ABCA3: variants seen among roughly 807,000 people sequenced by gnomAD.
The protein encoded by ABCA3 is phospholipid-transporting ATPase ABCA3.
In ABCA3, 88 loss-of-function variants were observed where a neutral mutation model predicts 172.8. That is an observed-to-expected ratio of 0.51 (90% CI 0.43 to 0.61). The LOEUF (loss-of-function observed/expected upper bound fraction) is 0.61. Among genes scored for constraint, ABCA3 ranks in the 20% least tolerant of loss-of-function variants. ABCA3 has a pLI of 0.00. For synonymous variants in ABCA3, 1,066 were observed against 983.8 expected (o/e 1.08, Z -1.56); for missense variants, 2,164 against 2,301.0 (o/e 0.94, Z 1.22).
chr16:2,286,899 C>A lies in ABCA3; in HGVS notation c.3073G>T (p.Val1025Leu). ...CCCACATCTCTGAAGGACGCTGCCA[C>A]AAGGCACCGCTCATTAAAGCCGCCC... ...EGGGFNERCLVAASFRDVGER... is the reference protein window; with the variant it reads ...EGGGFNERCLLAASFRDVGER... Residue 1025 changes from valine (V) to leucine (L), a missense_variant, in exon 22 of 33, where the codon GTG becomes TTG. By Grantham distance (32) the Val-to-Leu change is conservative. Coordinates refer to ENST00000301732, the MANE Select transcript of ABCA3 (RefSeq NM_001089.3). This position sits in a 1 kb window ranked among gnomAD's most constrained non-coding sequence, Gnocchi z 5.2. The A allele has an allele frequency of 6.2e-6, 10 of 1,614,078 alleles. No homozygotes were observed. Among genetic ancestry groups the A allele is most frequent in the Non-Finnish European group, 8.5e-6 (10 of 1,180,042 alleles).
intron 8 of ABCA3, among the ~76,000 whole-genome samples, 192 bp from the exon 9 acceptor site, chr16:2,317,956 A>G (rs974694666): frequency 4.6e-5 from 7 of 152,216 alleles, no homozygotes; most frequent in Admixed American, 4.6e-4. Flanking sequence ...TCAGCCTCCC[A>G]AAGTGCTGGA....
Position 2,323,830 on chromosome 16 carries a change from C to T in ABCA3, c.448-142G>A, listed in dbSNP as rs1268936697. ...CGCCTCTGAGTATCTCCAACAGGCC[C>T]CGGAATGTCACACTGAGTGGTCCCT... On this transcript the variant is annotated intron_variant, in intron 6 of 32. Transcript: ENST00000301732. 3.0e-6 allele frequency: 3 copies of T among 1,005,480 alleles called. No individual in the cohort carries two copies. The East Asian group carries it at 7.1e-5, about 24-fold the overall frequency. The allele number at this position is 1,005,480 out of a possible 1,614,324, so 62.3% of individuals were successfully genotyped here.
rs1024209857 is a variant in ABCA3, at chr16:2,285,341, G to A, written c.3483+101C>T. ...CCTCCCTGAGTCGGGCCGAGCTGCC[G>A]GCCTAGGGGCTGCCCAGCTGGTTCC... On this transcript the variant is annotated intron_variant, in intron 23 of 32. Coordinates refer to ENST00000301732, the MANE Select transcript of ABCA3 (RefSeq NM_001089.3). This position sits in a 1 kb window ranked among gnomAD's most constrained non-coding sequence, Gnocchi z 4.7. 218 of 1,420,040 alleles carry A rather than the reference G, an allele frequency of 1.5e-4. No individual in the cohort carries two copies. Among genetic ancestry groups the A allele is most frequent in the Admixed American group, 1.4e-4 (7 of 50,828 alleles). 88.0% of individuals were successfully genotyped at this position (1,420,040 alleles called of 1,614,324 possible).
Position 2,286,906 on chromosome 16 carries a change from C to T in ABCA3, c.3066G>A (p.Arg1022=). The T allele has an allele frequency of 4.3e-6, 7 of 1,614,076 alleles. No individual in the cohort carries two copies. The highest frequency in any genetic ancestry group is 5.1e-6 in the Non-Finnish European group (6 of 1,180,030). The change falls in exon 22 of 33, where the codon CGG becomes CGA. Residue 1022 remains arginine, a synonymous_variant. Coordinates refer to ENST00000301732, the MANE Select transcript of ABCA3 (RefSeq NM_001089.3). This position sits in a 1 kb window ranked among gnomAD's most constrained non-coding sequence, Gnocchi z 5.2. The part of the protein sequence containing the change: ...ASVEGGGFNE[R]CLVAASFRDV... ...CTCTGAAGGACGCTGCCACAAGGCA[C>T]CGCTCATTAAAGCCGCCCCCCTCCA... is the stretch of plus-strand genomic sequence containing the variant.
At chr16:2,315,278 T>C (rs1003308257) in intron 10 of ABCA3, among the ~76,000 whole-genome samples, 122 of 151,480 alleles carry the variant, frequency 8.1e-4, no homozygotes, top group African/African-American at 2.8e-3. Context: ...CGAAATCTCA[T>C]TGAAATTCGA....
intron 18 of ABCA3, 40 bp downstream of exon 18, chr16:2,295,550 T>C (rs774136016): frequency 8.7e-6 from 14 of 1,606,110 alleles, no homozygotes; most frequent in Non-Finnish European, 1.2e-5. Flanking sequence ...GGATCCCATC[T>C]TGGATGTATA....
chr16:2,300,461 C>G, intron 12 of ABCA3, among the ~76,000 whole-genome samples: 1 of 152,118 alleles, frequency 6.6e-6, no homozygotes, highest in East Asian at 1.9e-4. Flanking sequence ...CAGAAGTTAT[C>G]TAACGCTCCA....
At chr16:2,305,108 C>T (rs535117847) in intron 11 of ABCA3, among the ~76,000 whole-genome samples, 1 of 151,934 alleles carries the variant, frequency 6.6e-6, no homozygotes, top group South Asian at 2.1e-4. Flanking sequence ...CCACTGCACC[C>T]GGCCAGTATA....
At chr16:2,302,282 C>G (rs760196817) in intron 12 of ABCA3, among the ~76,000 whole-genome samples, 11 of 152,022 alleles carry the variant, frequency 7.2e-5, no homozygotes, top group Non-Finnish European at 1.5e-4. Context: ...AAGGTCTCCC[C>G]GACCGAGCTG....
Position 2,276,273 on chromosome 16 carries a change from C to T in ABCA3, c.*401G>A, listed in dbSNP as rs1405873316. On this transcript the variant is annotated 3_prime_UTR_variant, in exon 33 of 33. Transcript: ENST00000301732. Reference sequence around the variant, plus strand: ...TTCAACCTGGCTGGCTTCCCGCTTCCTCCCCAGGGGAGATTAGTGTCGTGT... The same window carrying T: ...TTCAACCTGGCTGGCTTCCCGCTTCTTCCCCAGGGGAGATTAGTGTCGTGT... The T allele has an allele frequency of 1.3e-5, 6 of 458,968 alleles. No individual in the cohort carries two copies. Among genetic ancestry groups the T allele is most frequent in the Non-Finnish European group, 2.2e-5 (5 of 228,924 alleles). The allele number at this position is 458,968 out of a possible 1,614,324, so 28.4% of individuals were successfully genotyped here.
At chr16:2,322,719 A>C (rs1450363909) in intron 7 of ABCA3, among the ~76,000 whole-genome samples, 4 of 152,110 alleles carry the variant, frequency 2.6e-5, no homozygotes, top group Non-Finnish European at 5.9e-5. Flanking sequence ...AAACCTAGGC[A>C]TTACCATTCA....
chr16:2,316,140 GAAA>G (rs534232946), intron 10 of ABCA3, among the ~76,000 whole-genome samples: 10,666 of 57,504 alleles, frequency 0.19, 753 homozygotes, highest in East Asian at 0.45. Context: ...AACATGGTGA[GAAA>G]AAAAAAAAAA....
chr16:2,298,271 C>A (rs995091196), intron 15 of ABCA3, 115 bp downstream of exon 15: 7 of 1,517,966 alleles, frequency 4.6e-6, no homozygotes, highest in Non-Finnish European at 6.3e-6. Flanking sequence ...GGACTCAGAA[C>A]CCTGGCTCCT....
At position 2,288,189 on chromosome 16, in the gene ABCA3, G is replaced by C; in HGVS notation, c.2841C>G (p.Ser947=). The change falls in exon 21 of 33, where the codon TCC becomes TCG. Residue 947 remains serine, a synonymous_variant. Transcript: ENST00000301732. The part of the protein sequence containing the change: ...VTLALLAINY[S]SELFDDPMLR... The stretch of plus-strand genomic sequence containing the variant: ...GCATGGGGTCGTCGAAGAGCTCCGA[G>C]GAGTAGTTGATGGCCAGGAGGGCCA... The C allele has an allele frequency of 1.2e-6, 2 of 1,604,730 alleles. No homozygotes were observed. Among genetic ancestry groups the C allele is most frequent in the Non-Finnish European group, 1.7e-6 (2 of 1,175,518 alleles).
chr16:2,286,777 C>G lies in ABCA3; in HGVS notation c.3195G>C (p.Leu1065=), dbSNP rs140502726. The G allele has an allele frequency of 6.2e-7, 1 of 1,614,128 alleles. No homozygotes were observed. The highest frequency in any genetic ancestry group is 1.7e-5 in the Admixed American group (1 of 60,006). The part of the protein sequence containing the change: ...AVVDNLLFKL[L]CGPHASIVVS... ...CCACAATGGAGGCGTGAGGCCCGCACAGCAGCTTGAACAGAAGGTTGTCCA... is the reference window on the plus strand; with the variant it reads ...CCACAATGGAGGCGTGAGGCCCGCAGAGCAGCTTGAACAGAAGGTTGTCCA... The change falls in exon 22 of 33, where the codon CTG becomes CTC. Residue 1065 remains leucine (L), a synonymous_variant. Transcript: ENST00000301732. The surrounding 1 kb of genome is among the most constrained non-coding windows in gnomAD (Gnocchi z 5.2).
chr16:2,326,357 C>T, intron 4 of ABCA3, 56 bp downstream of exon 4: 1 of 1,612,076 alleles, frequency 6.2e-7, no homozygotes, highest in South Asian at 1.1e-5. Context: ...CAAGGGCATC[C>T]CCAGGAGCCT....
At chr16:2,294,408 G>A (rs995369530) in intron 18 of ABCA3, among the ~76,000 whole-genome samples, 1 of 152,102 alleles carries the variant, frequency 6.6e-6, no homozygotes, top group African/African-American at 2.4e-5. Flanking sequence ...AATCTAGGCC[G>A]GGTGCAGTGG....
In ABCA3 at chr16:2,284,691, C is replaced by T. The variant is rs1384808494; in HGVS notation, c.3703+88G>A. 1.9e-5 allele frequency: 27 copies of T among 1,432,598 alleles called. No individual in the cohort carries two copies. Among genetic ancestry groups the T allele is most frequent in the East Asian group, 2.5e-5 (1 of 40,718 alleles). The allele number at this position is 1,432,598 out of a possible 1,614,324, so 88.7% of individuals were successfully genotyped here. ...TGAACTGGGCCCATTGCCTGAGTCCCGCCTCGGCTGTGGCTGGTGCCTCCC... is the reference window on the plus strand; with the variant it reads ...TGAACTGGGCCCATTGCCTGAGTCCTGCCTCGGCTGTGGCTGGTGCCTCCC... On this transcript the variant is annotated intron_variant, in intron 24 of 32. Coordinates refer to ENST00000301732, the MANE Select transcript of ABCA3 (RefSeq NM_001089.3). The surrounding 1 kb of genome is among the most constrained non-coding windows in gnomAD (Gnocchi z 5.9).
At chr16:2,327,867 C>T (rs372850653) in intron 3 of ABCA3, among the ~76,000 whole-genome samples, 113 of 152,112 alleles carry the variant, frequency 7.4e-4, no homozygotes, top group African/African-American at 2.5e-3. Flanking sequence ...ATTACAGGCG[C>T]CTGCCACCAC....
Sources: gnomAD v4.1 joint callset for allele counts (sites outside exome capture counted in the v4.1 genomes callset) on GRCh38, gnomAD v4.1.1 for gene constraint, Gnocchi (gnomAD v3.1) non-coding constraint, MANE v1.5 for transcripts, NCBI Gene and HGNC (gene_info 2026-07-23, HGNC 2026-07-21) for gene names.